CHEK1: variants seen among roughly 807,000 people sequenced by gnomAD.
The protein encoded by CHEK1 is serine/threonine-protein kinase Chk1.
Under a neutral mutation model 60.2 loss-of-function variants are expected in CHEK1, and 32 were observed. The observed-to-expected ratio is 0.53, with a 90% CI of 0.40 to 0.71. CHEK1 has a LOEUF of 0.71. Ranked by LOEUF, CHEK1 falls within the 30% of genes least tolerant of loss-of-function variation. The pLI is 0.00. For missense variants in CHEK1, 399 were observed against 564.6 expected (o/e 0.71, Z 2.97); for synonymous variants, 179 against 187.2 (o/e 0.96, Z 0.36).
chr11:125,671,680 A>G (rs933395163), intron 13 of CHEK1: 3 of 152,224 alleles, frequency 2.0e-5, no homozygotes, highest in African/African-American at 7.2e-5. Flanking sequence ...GAATCTGCCT[A>G]TAGCTCTCTG....
chr11:125,663,879 A>T (rs1221519100), intron 13 of CHEK1, among the ~76,000 whole-genome samples: 1 of 152,144 alleles, frequency 6.6e-6, no homozygotes, highest in Non-Finnish European at 1.5e-5. Context: ...TCTTCTGCAT[A>T]TGGGTAGTCA....
At chr11:125,645,264 C>T (rs1457812320) in intron 11 of CHEK1, among the ~76,000 whole-genome samples, 1 of 152,064 alleles carries the variant, frequency 6.6e-6, no homozygotes, top group African/African-American at 2.4e-5. Context: ...TAGACAATAA[C>T]AGTTGACTGC....
At chr11:125,665,781 G>A (rs921088031) in intron 13 of CHEK1, among the ~76,000 whole-genome samples, 1 of 149,734 alleles carries the variant, frequency 6.7e-6, no homozygotes, top group African/African-American at 2.5e-5. Context: ...GTTCATGATA[G>A]TCTCTAATGA....
chr11:125,664,232 ATTTTT>A (rs34554687), intron 13 of CHEK1, among the ~76,000 whole-genome samples: 9 of 129,370 alleles, frequency 7.0e-5, no homozygotes, highest in Non-Finnish European at 9.8e-5. Flanking sequence ...ATGTTGAACT[ATTTTT>A]TTTTTTTTTT....
chr11:125,626,696 C>A (rs2135968159), intron 1 of CHEK1, 53 bp from the exon 2 acceptor site: 1 of 1,553,426 alleles, frequency 6.4e-7, no homozygotes, highest in Non-Finnish European at 8.9e-7. Flanking sequence ...GGCTCAGTGG[C>A]TTCACTGGTG....
intron 8 of CHEK1, among the ~76,000 whole-genome samples, chr11:125,637,942 C>T (rs3731426): frequency 0.076 from 11,619 of 152,236 alleles, 522 homozygotes; most frequent in African/African-American, 0.12. Context: ...CAGTATGGCA[C>T]AAGCCGTGTC....
At chr11:125,675,562 C>T (rs930420155) in intron 13 of CHEK1, among the ~76,000 whole-genome samples, 4 of 152,142 alleles carry the variant, frequency 2.6e-5, no homozygotes, top group African/African-American at 7.2e-5. Context: ...TAACCAGTAT[C>T]CCTTATTTTA....
rs181712992 is a variant in CHEK1 at position 125,651,395 on chromosome 11, C to A, written c.1234-2351C>A. Among the ~76,000 whole-genome samples, 11 of 149,448 alleles carry A rather than the reference C, an allele frequency of 7.4e-5. No homozygotes were observed. In the Admixed American group the frequency reaches 7.5e-4, roughly 10 times the overall value. On this transcript the variant is annotated intron_variant, in intron 11 of 12. Coordinates refer to ENST00000438015, the MANE Select transcript of CHEK1 (RefSeq NM_001114122.3). ...CTCTGCATCCCGGGTTCAAGCGATT[C>A]TCCTGCCTCAGCCTCCCAAGTAGCT...
intron 11 of CHEK1, among the ~76,000 whole-genome samples, chr11:125,649,573 A>T (rs1044401562): frequency 1.3e-5 from 2 of 152,186 alleles, no homozygotes; most frequent in Admixed American, 6.5e-5. Flanking sequence ...AAAATATTTT[A>T]AAAATTAGTT....
intron 7 of CHEK1, among the ~76,000 whole-genome samples, chr11:125,636,492 G>A (rs998261943): frequency 4.6e-5 from 7 of 152,100 alleles, no homozygotes; most frequent in Non-Finnish European, 7.4e-5. Flanking sequence ...GATCAAGGAT[G>A]TAGTTTTTAT....
downstream of CHEK1, chr11:125,678,395 G>C (rs878912415): frequency 2.3e-5 from 33 of 1,416,374 alleles, 1 homozygote; most frequent in South Asian, 4.6e-4. Flanking sequence ...GAGACTCCTA[G>C]GTTTCCTATG....
At chr11:125,639,151 G>A (rs1416452847) in intron 8 of CHEK1, among the ~76,000 whole-genome samples, 2 of 151,770 alleles carry the variant, frequency 1.3e-5, no homozygotes, top group East Asian at 3.9e-4. Context: ...CATACTTAGT[G>A]GGTAAAACCC....
chr11:125,626,621 G>T (rs1232979582), intron 1 of CHEK1, 128 bp from the exon 2 acceptor site: 4 of 740,212 alleles, frequency 5.4e-6, no homozygotes, highest in Non-Finnish European at 9.4e-6. Flanking sequence ...TTGGATAAAT[G>T]TGGATGAGAT....
chr11:125,635,589 G>T, intron 7 of CHEK1, 56 bp downstream of exon 7: 2 of 1,146,754 alleles, frequency 1.7e-6, no homozygotes, highest in South Asian at 3.1e-5. Context: ...GAAGTCTTGT[G>T]CTATTTGAAT....
intron 1 of CHEK1, chr11:125,626,399 T>A (rs1940608505): frequency 4.7e-6 from 2 of 427,926 alleles, no homozygotes; most frequent in East Asian, 7.6e-5. Context: ...CCCTATATCC[T>A]CTTCCTCTCT....
intron 8 of CHEK1, among the ~76,000 whole-genome samples, chr11:125,641,089 G>A (rs1464936233): frequency 6.6e-6 from 1 of 152,076 alleles, no homozygotes; most frequent in African/African-American, 2.4e-5. Context: ...TTATTAGATC[G>A]AAAGAACATA....
downstream of CHEK1, among the ~76,000 whole-genome samples, chr11:125,660,216 TTGATAG>T (rs1431956904): frequency 1.3e-5 from 2 of 152,230 alleles, no homozygotes; most frequent in Admixed American, 6.5e-5. Flanking sequence ...GTAGAATTTT[TTGATAG>T]TGATAGTTTT....
chr11:125,637,053 G>C (rs1941097753), intron 7 of CHEK1, among the ~76,000 whole-genome samples: 1 of 152,114 alleles, frequency 6.6e-6, no homozygotes, highest in Admixed American at 6.5e-5. Context: ...CTCTTAAAAA[G>C]TTATTGGTAA....
At chr11:125,633,460 CT>C (rs1565366328) in intron 6 of CHEK1, 109 bp downstream of exon 6, 2 of 1,014,676 alleles carry the variant, frequency 2.0e-6, no homozygotes, top group East Asian at 3.1e-5. Flanking sequence ...TTTTTGTTTT[CT>C]TTTTTAAGAG....
Sources: allele counts gnomAD v4.1 joint callset (sites outside exome capture counted in the v4.1 genomes callset), GRCh38; gene constraint gnomAD v4.1.1; transcripts MANE v1.5; gene names NCBI Gene and HGNC (gene_info 2026-07-23, HGNC 2026-07-21).